Variants in PARN observed in about 807,000 individuals in gnomAD.
PARN encodes the protein poly(A)-specific ribonuclease.
In PARN, 71 loss-of-function variants were observed where a neutral mutation model predicts 102.8. The ratio of observed to expected loss-of-function variants is 0.69; its 90% CI spans 0.57 to 0.84. PARN has a LOEUF of 0.84. Among genes scored for constraint, PARN ranks in the 40% least tolerant of loss-of-function variants. The pLI is 0.00. For missense variants in PARN, 782 were observed against 760.9 expected, an observed-to-expected ratio of 1.03 and a Z score of -0.33; for synonymous variants, 261 against 252.9, an observed-to-expected ratio of 1.03 and a Z score of -0.30.
intron 21 of PARN, among the ~76,000 whole-genome samples, chr16:14,502,396 G>A (rs1375638169): frequency 6.6e-6 from 1 of 152,140 alleles, no homozygotes; most frequent in Admixed American, 6.5e-5. Flanking sequence ...GCTTGCATGT[G>A]AGCACCATGT....
intron 21 of PARN, among the ~76,000 whole-genome samples, chr16:14,503,624 G>A (rs1964734041): frequency 6.6e-6 from 1 of 152,186 alleles, no homozygotes; most frequent in Non-Finnish European, 1.5e-5. Context: ...CCAAGGTGAA[G>A]TGGTCACCCG....
intron 18 of PARN, among the ~76,000 whole-genome samples, chr16:14,561,157 C>CAAAAAA (rs749716960): frequency 5.2e-5 from 3 of 57,176 alleles, no homozygotes; most frequent in African/African-American, 6.7e-5. Flanking sequence ...AACTCCGTCT[C>CAAAAAA]AAAAAAAAAA....
chr16:14,583,563 T>A (rs1969656144), intron 16 of PARN, among the ~76,000 whole-genome samples: 1 of 152,176 alleles, frequency 6.6e-6, no homozygotes, highest in Non-Finnish European at 1.5e-5. Flanking sequence ...CCACGTTTTC[T>A]CCCCCAATGG....
At chr16:14,488,399 T>C (rs1963850712) in intron 21 of PARN, among the ~76,000 whole-genome samples, 1 of 152,216 alleles carries the variant, frequency 6.6e-6, no homozygotes, top group South Asian at 2.1e-4. Flanking sequence ...GCTACATTAA[T>C]ATTAAAGCCT....
intron 23 of PARN, among the ~76,000 whole-genome samples, chr16:14,444,029 C>A (rs558181027): frequency 6.6e-6 from 1 of 152,336 alleles, no homozygotes; most frequent in South Asian, 2.1e-4. Context: ...AGACCCTCAA[C>A]AGGGCTTGAA....
chr16:14,613,107 C>T (rs185215199), intron 6 of PARN, among the ~76,000 whole-genome samples: 1 of 151,024 alleles, frequency 6.6e-6, no homozygotes, highest in Non-Finnish European at 1.5e-5. Flanking sequence ...GTCGTGAGTT[C>T]AAGACCAGCC....
intron 22 of PARN, among the ~76,000 whole-genome samples, chr16:14,451,869 CAA>C (rs869041563): frequency 0.18 from 9,502 of 51,870 alleles, 203 homozygotes; most frequent in Admixed American, 0.22. Context: ...AAAAAAAATA[CAA>C]AAAAAAAAAA....
chr16:14,559,334 T>C (rs1358051942), intron 18 of PARN, among the ~76,000 whole-genome samples: 1 of 152,064 alleles, frequency 6.6e-6, no homozygotes, highest in Non-Finnish European at 1.5e-5. Context: ...CTCTAATATT[T>C]CACCTGAATT....
At chr16:14,474,017 G>A (rs1272153050) in intron 22 of PARN, among the ~76,000 whole-genome samples, 1 of 152,008 alleles carries the variant, frequency 6.6e-6, no homozygotes, top group Non-Finnish European at 1.5e-5. Context: ...TTTCTTTTCT[G>A]AGTCTCATTT....
chr16:14,609,208 T>C (rs867663108), intron 7 of PARN, 85 bp from the exon 8 acceptor site: 6 of 660,310 alleles, frequency 9.1e-6, no homozygotes, highest in Middle Eastern at 3.2e-4. Flanking sequence ...CCAAAAACAG[T>C]CTAACTATAA....
intron 16 of PARN, among the ~76,000 whole-genome samples, chr16:14,583,720 C>T (rs16963805): frequency 0.052 from 7,845 of 152,254 alleles, 246 homozygotes; most frequent in African/African-American, 0.083. Flanking sequence ...TTTCAGGCTA[C>T]AACTAATGGC....
intron 21 of PARN, among the ~76,000 whole-genome samples, chr16:14,514,187 ATTAAT>A (rs1965342827): frequency 1.3e-5 from 2 of 152,126 alleles, no homozygotes; most frequent in African/African-American, 4.8e-5. Flanking sequence ...AATGTCATTA[ATTAAT>A]TTATTTTTTT....
intron 13 of PARN, among the ~76,000 whole-genome samples, chr16:14,590,634 C>CAAAAAAAA (rs966183881): frequency 1.6e-5 from 1 of 63,536 alleles, no homozygotes. Flanking sequence ...GATTCAGTCT[C>CAAAAAAAA]AAAAAAAAAA....
chr16:14,445,761 G>A (rs1961172970), intron 23 of PARN, among the ~76,000 whole-genome samples: 1 of 152,102 alleles, frequency 6.6e-6, no homozygotes, highest in South Asian at 2.1e-4. Flanking sequence ...ACGTGGTTTT[G>A]CCATGTTGGC....
chr16:14,584,669 T>A, intron 15 of PARN, 80 bp downstream of exon 15: 1 of 1,011,450 alleles, frequency 9.9e-7, no homozygotes, highest in Non-Finnish European at 1.5e-6. Flanking sequence ...CCAAACCTTT[T>A]GCCAGAAGGC....
At chr16:14,591,086 T>C (rs376730042) in intron 13 of PARN, among the ~76,000 whole-genome samples, 7 of 152,010 alleles carry the variant, frequency 4.6e-5, no homozygotes, top group South Asian at 4.1e-4. Context: ...CTAGTCTCTA[T>C]TTTATTAAAA....
intron 21 of PARN, among the ~76,000 whole-genome samples, chr16:14,529,118 G>A (rs563827921): frequency 6.6e-6 from 1 of 152,226 alleles, no homozygotes; most frequent in South Asian, 2.1e-4. Flanking sequence ...GGCCCTGAGC[G>A]AGTGCCTAAC....
intron 13 of PARN, among the ~76,000 whole-genome samples, chr16:14,588,974 G>A (rs1260581538): frequency 6.6e-6 from 1 of 152,056 alleles, no homozygotes; most frequent in African/African-American, 2.4e-5. Context: ...GAAGTCAGGG[G>A]TTCAAGACCA....
At chr16:14,514,094 A>T (rs540955219) in intron 21 of PARN, among the ~76,000 whole-genome samples, 2 of 152,368 alleles carry the variant, frequency 1.3e-5, no homozygotes, top group South Asian at 4.1e-4. Flanking sequence ...GGGTATGGAC[A>T]AAAGGAAACA....
Sources: gnomAD v4.1 joint callset for allele counts (sites outside exome capture counted in the v4.1 genomes callset) on GRCh38, gnomAD v4.1.1 for gene constraint, MANE v1.5 for transcripts, NCBI Gene and HGNC (gene_info 2026-07-23, HGNC 2026-07-21) for gene names.